NALF1: variants seen among roughly 807,000 people sequenced by gnomAD.
NALF1 encodes family with sequence similarity 155 member A.
NALF1 carries 3 observed loss-of-function variants against 48.4 expected under a neutral mutation model. That is an observed-to-expected ratio of 0.06 (90% CI 0.03 to 0.16). NALF1 has a LOEUF of 0.16. NALF1 is among the 10% of genes least tolerant of loss of function. NALF1 has a pLI of 1.00. For missense variants in NALF1, 526 were observed against 571.5 expected (o/e 0.92, Z 0.81); for synonymous variants, 262 against 245.7 (o/e 1.07, Z -0.62).
chr13:107,726,085 T>C (rs1876141155), intron 1 of NALF1, among the ~76,000 whole-genome samples: 1 of 152,194 alleles, frequency 6.6e-6, no homozygotes, highest in South Asian at 2.1e-4. Context: ...CTATGACCTA[T>C]TTCTCTGTCA....
chr13:107,633,621 C>T (rs1879889638), intron 1 of NALF1, among the ~76,000 whole-genome samples: 2 of 151,510 alleles, frequency 1.3e-5, no homozygotes, highest in African/African-American at 2.4e-5. Context: ...CTTATTTTCT[C>T]TTTTATTTCC....
chr13:107,681,881 C>G (rs1594204263), intron 1 of NALF1, among the ~76,000 whole-genome samples: 1 of 152,232 alleles, frequency 6.6e-6, no homozygotes, highest in African/African-American at 2.4e-5. Context: ...ACAGAGTGGC[C>G]TCGTTATTCC....
chr13:107,213,520 G>A (rs1879810949), intron 1 of NALF1, among the ~76,000 whole-genome samples: 1 of 152,160 alleles, frequency 6.6e-6, no homozygotes, highest in African/African-American at 2.4e-5. Context: ...AGATACATCA[G>A]AAAACAAGTG....
In NALF1 at chr13:107,681,485, T is replaced by TAA. The variant is rs34641249; in HGVS notation, c.915+184195_915+184196dup. ...CTCTATGGTTTCAGGGAGAAAAGTTTAAAAAAAAATCACTATTTTACATAA... is the reference window on the plus strand; with the variant it reads ...CTCTATGGTTTCAGGGAGAAAAGTTTAAAAAAAAAAATCACTATTTTACATAA... On this transcript the variant is annotated intron_variant, in intron 1 of 2. Coordinates refer to ENST00000375915, the MANE Select transcript of NALF1 (RefSeq NM_001080396.3). Among the ~76,000 whole-genome samples the TAA allele has an allele frequency of 2.7e-4, 41 of 151,256 alleles. No individual in the cohort carries two copies. The East Asian group carries it at 3.3e-3, about 12-fold the overall frequency.
chr13:107,303,394 ATATAT>A (rs1434538968), intron 1 of NALF1, among the ~76,000 whole-genome samples: 15 of 152,170 alleles, frequency 9.9e-5, no homozygotes, highest in South Asian at 4.1e-4. Flanking sequence ...TTCTCTATAG[ATATAT>A]TATATTTCAG....
At chr13:107,795,509 G>A (rs946746414) in intron 1 of NALF1, among the ~76,000 whole-genome samples, 1 of 152,012 alleles carries the variant, frequency 6.6e-6, no homozygotes, top group Non-Finnish European at 1.5e-5. Context: ...AACAAGTTAG[G>A]TCCAAATTGC....
intron 1 of NALF1, among the ~76,000 whole-genome samples, chr13:107,750,834 T>C (rs1222089102): frequency 6.6e-6 from 1 of 152,238 alleles, no homozygotes; most frequent in Non-Finnish European, 1.5e-5. Flanking sequence ...ATGTTTCATG[T>C]GCTCTGTAAA....
chr13:107,600,587 T>C (rs1261762808), intron 1 of NALF1, among the ~76,000 whole-genome samples: 1 of 152,240 alleles, frequency 6.6e-6, no homozygotes, highest in Non-Finnish European at 1.5e-5. Flanking sequence ...CTAAGTCACA[T>C]GTTTATTGTG....
chr13:107,685,426 G>T (rs1183806889), intron 1 of NALF1, among the ~76,000 whole-genome samples: 1 of 152,076 alleles, frequency 6.6e-6, no homozygotes, highest in Non-Finnish European at 1.5e-5. Context: ...GGAATGATGA[G>T]TCTTACTGAA....
intron 1 of NALF1, among the ~76,000 whole-genome samples, chr13:107,593,195 C>A (rs1367151225): frequency 1.3e-5 from 2 of 151,794 alleles, no homozygotes; most frequent in Non-Finnish European, 2.9e-5. Context: ...TAAATTTAAT[C>A]TAGGAATTTA....
intron 1 of NALF1, among the ~76,000 whole-genome samples, chr13:107,748,140 T>C (rs1479180190): frequency 6.6e-6 from 1 of 152,186 alleles, no homozygotes; most frequent in Non-Finnish European, 1.5e-5. Context: ...TGGGATGTTA[T>C]ATGCTAAATC....
chr13:107,220,101 C>T (rs1263277976), intron 1 of NALF1, among the ~76,000 whole-genome samples: 1 of 152,178 alleles, frequency 6.6e-6, no homozygotes, highest in African/African-American at 2.4e-5. Flanking sequence ...TCTGCTTTTG[C>T]TCAAAGAAAA....
chr13:107,178,679 C>A (rs1878991328), intron 2 of NALF1, among the ~76,000 whole-genome samples: 1 of 152,142 alleles, frequency 6.6e-6, no homozygotes, highest in Non-Finnish European at 1.5e-5. Flanking sequence ...CACGGTGGCT[C>A]ACGCACCTAA....
intron 1 of NALF1, among the ~76,000 whole-genome samples, chr13:107,385,978 G>GT (rs1253266598): frequency 2.2e-4 from 33 of 152,122 alleles, no homozygotes; most frequent in African/African-American, 8.0e-4. Context: ...TAAAAGTGAT[G>GT]TTTTACACAA....
In NALF1 at chr13:107,866,186, G is replaced by C. The variant is rs546864526; in HGVS notation, c.411C>G (p.Asp137Glu). ...TGCCCTTGCCGCCGCCGCCGCCGCC[G>C]TCTCCCGGGGAGGGGGGCAGGGTGG... Reference protein sequence around the residue: ...SSPTLPPSPGDGGGGGGKGNR... With the variant: ...SSPTLPPSPGEGGGGGGKGNR... Residue 137 changes from aspartate to glutamate, a missense_variant, in exon 1 of 3, where the codon GAC becomes GAG. By Grantham distance (45) the Asp-to-Glu change is conservative. Transcript: ENST00000375915. This position sits in a 1 kb window ranked among gnomAD's most constrained non-coding sequence, Gnocchi z 4.4. 4 of 1,603,062 alleles carry C rather than the reference G, an allele frequency of 2.5e-6. No homozygotes were observed. The highest frequency in any genetic ancestry group is 1.7e-5 in the Admixed American group (1 of 59,088).
At chr13:107,790,317 A>T (rs1566482769) in intron 1 of NALF1, among the ~76,000 whole-genome samples, 1 of 152,360 alleles carries the variant, frequency 6.6e-6, no homozygotes, top group South Asian at 2.1e-4. Flanking sequence ...TACAAAGAAT[A>T]TGTCAAAATT....
intron 2 of NALF1, among the ~76,000 whole-genome samples, chr13:107,210,113 T>G (rs115730122): frequency 0.016 from 2,366 of 152,224 alleles, 52 homozygotes; most frequent in African/African-American, 0.054. Flanking sequence ...ATATTTTTAA[T>G]GCTCTTAATA....
intron 1 of NALF1, among the ~76,000 whole-genome samples, chr13:107,285,378 G>T (rs1881472917): frequency 6.6e-6 from 1 of 152,228 alleles, no homozygotes; most frequent in Admixed American, 6.5e-5. Flanking sequence ...CCTAGGGCTT[G>T]CATAGAGAGA....
chr13:107,192,145 C>T (rs1879296311), intron 2 of NALF1, among the ~76,000 whole-genome samples: 1 of 152,042 alleles, frequency 6.6e-6, no homozygotes, highest in Non-Finnish European at 1.5e-5. Context: ...AAAGTTTAAA[C>T]ACAAATATTT....
Sources: gnomAD v4.1 joint callset for allele counts (sites outside exome capture counted in the v4.1 genomes callset) on GRCh38, gnomAD v4.1.1 for gene constraint, Gnocchi (gnomAD v3.1) non-coding constraint, MANE v1.5 for transcripts, NCBI Gene and HGNC (gene_info 2026-07-23, HGNC 2026-07-21) for gene names.